INSL6: variants seen among roughly 807,000 people sequenced by gnomAD.
INSL6 encodes the protein insulin like 6, also known as insulin-like peptide INSL6.
In INSL6, 16 loss-of-function variants were observed where a neutral mutation model predicts 9.4. The observed-to-expected ratio is 1.70, with a 90% CI of 1.15 to 2.59. INSL6 has a LOEUF of 2.59. INSL6 is among the 30% of genes most tolerant of loss of function. INSL6 has a pLI of 0.00. For synonymous variants in INSL6, 154 were observed against 96.9 expected, an observed-to-expected ratio of 1.59 and a Z score of -3.46; for missense variants, 391 against 257.3, an observed-to-expected ratio of 1.52 and a Z score of -3.56.
the INSL6 span, among the ~76,000 whole-genome samples, chr9:5,115,207 C>A: frequency 3.9e-5 from 6 of 152,028 alleles, no homozygotes; most frequent in Non-Finnish European, 7.4e-5. Context: ...AGAACTTAAA[C>A]AAGTTCACAA....
At chr9:5,048,231 T>C in the INSL6 span, among the ~76,000 whole-genome samples, 2 of 152,038 alleles carry the variant, frequency 1.3e-5, no homozygotes, top group Non-Finnish European at 2.9e-5. Context: ...AACCTCTGCC[T>C]CCCAGGTTCA....
the INSL6 span, among the ~76,000 whole-genome samples, chr9:5,087,183 G>C: frequency 6.6e-6 from 1 of 152,214 alleles, no homozygotes; most frequent in Non-Finnish European, 1.5e-5. Flanking sequence ...ATAAAGGAAA[G>C]AGGTTTAATT....
At chr9:5,054,479 G>A in the INSL6 span, 3 of 1,150,638 alleles carry the variant, frequency 2.6e-6, no homozygotes, top group African/African-American at 1.6e-5. The surrounding 1 kb of genome is among the most constrained non-coding windows in gnomAD (Gnocchi z 4.9). Context: ...ATGGAAAAAG[G>A]TGGTAACTTC....
the INSL6 span, among the ~76,000 whole-genome samples, chr9:5,086,848 C>A: frequency 3.9e-5 from 6 of 152,140 alleles, no homozygotes; most frequent in Non-Finnish European, 8.8e-5. Context: ...TAGAGAGCTT[C>A]TCATAGAGCA....
At chr9:5,150,447 T>C (rs2130894380) in intron 2 of INSL6, among the ~76,000 whole-genome samples, 1 of 152,176 alleles carries the variant, frequency 6.6e-6, no homozygotes, top group East Asian at 1.9e-4. Context: ...ATGAACATTT[T>C]TAATGGTCAA....
chr9:5,165,427 C>T (rs115779421), intron 1 of INSL6, among the ~76,000 whole-genome samples: 1,760 of 152,204 alleles, frequency 0.012, 26 homozygotes, highest in African/African-American at 0.04. Context: ...TTCCCACATC[C>T]CCATCAAAAC....
chr9:5,033,155 G>C, the INSL6 span, among the ~76,000 whole-genome samples: 2 of 152,210 alleles, frequency 1.3e-5, no homozygotes, highest in Non-Finnish European at 2.9e-5. Context: ...AGAGATGGAA[G>C]ATGAAATGAA....
chr9:5,124,908 A>C (rs1823875124), intron 3 of INSL6, among the ~76,000 whole-genome samples: 2 of 151,600 alleles, frequency 1.3e-5, no homozygotes, highest in African/African-American at 4.8e-5. Flanking sequence ...CAAACAAAAT[A>C]ATCCCAAACC....
the INSL6 span, among the ~76,000 whole-genome samples, chr9:5,064,296 G>C: frequency 7.2e-5 from 11 of 152,134 alleles, no homozygotes; most frequent in Non-Finnish European, 1.3e-4. Context: ...TTGGGAGACT[G>C]AGGTGGGTGG....
chr9:5,153,895 G>C (rs144113484), intron 2 of INSL6, among the ~76,000 whole-genome samples: 1 of 152,124 alleles, frequency 6.6e-6, no homozygotes, highest in East Asian at 1.9e-4. Context: ...TGGCCATACT[G>C]CCCAAAGTAA....
chr9:5,009,808 T>A, the INSL6 span, among the ~76,000 whole-genome samples: 1 of 152,050 alleles, frequency 6.6e-6, no homozygotes, highest in Admixed American at 6.6e-5. Flanking sequence ...TCTTGCTCTG[T>A]TGCCCAGGCT....
At chr9:5,107,370 C>T in the INSL6 span, among the ~76,000 whole-genome samples, 1 of 152,098 alleles carries the variant, frequency 6.6e-6, no homozygotes, top group African/African-American at 2.4e-5. Context: ...CCAACTGCCT[C>T]CCCTTTTCCA....
the INSL6 span, chr9:5,090,685 T>G: frequency 6.1e-5 from 94 of 1,541,748 alleles, 1 homozygote; most frequent in African/African-American, 1.1e-3. Context: ...GTTAAGACCA[T>G]TTAAATTGTT....
At chr9:5,054,834 A>G in the INSL6 span, 1 of 1,612,168 alleles carries the variant, frequency 6.2e-7, no homozygotes, top group Admixed American at 1.7e-5. The surrounding 1 kb of genome is among the most constrained non-coding windows in gnomAD (Gnocchi z 4.9). Flanking sequence ...AAACGGTGGA[A>G]TTCAGTGGTC....
rs993782183 is a variant in INSL6, at chr9:5,141,190, G to C, written c.377-7598C>G. Reference sequence around the variant, plus strand: ...AACATATGCATGCGTCTTTATAATAGAATGATTTATATTTCTTTGTGTATA... The same window carrying C: ...AACATATGCATGCGTCTTTATAATACAATGATTTATATTTCTTTGTGTATA... On this transcript the variant is annotated intron_variant, in intron 2 of 3. Coordinates refer to the INSL6 transcript ENST00000649639. Among the ~76,000 whole-genome samples, 3 of 152,118 alleles carry C rather than the reference G, an allele frequency of 2.0e-5. 1 individual carries two copies. In the South Asian group the frequency reaches 6.2e-4, roughly 32 times the overall value.
chr9:5,073,858 C>T, the INSL6 span: 1 of 955,212 alleles, frequency 1.0e-6, no homozygotes, highest in South Asian at 1.4e-5. Context: ...AATTCAGTTT[C>T]AGGATCACAG....
At chr9:5,049,764 A>G in the INSL6 span, among the ~76,000 whole-genome samples, 1 of 152,202 alleles carries the variant, frequency 6.6e-6, no homozygotes, top group Non-Finnish European at 1.5e-5. Context: ...CATGTATTGT[A>G]CTTATACAAA....
chr9:5,147,953 G>T lies in INSL6; in HGVS notation c.377-14361C>A, dbSNP rs116253056. 2.8e-3 allele frequency among the ~76,000 whole-genome samples: 428 copies of T among 152,200 alleles called. 3 individuals carry two copies. The highest frequency in any genetic ancestry group is 9.7e-3 in the African/African-American group (403 of 41,518). ...TTTCAGCTCTTAAATTGTTTTACTG[G>T]ATGCCTTGGCTTCCTTGGATTTTCA... On this transcript the variant is annotated intron_variant, in intron 2 of 3. Transcript: ENST00000649639.
the INSL6 span, among the ~76,000 whole-genome samples, chr9:5,116,008 T>G: frequency 6.5e-3 from 983 of 152,200 alleles, 7 homozygotes; most frequent in African/African-American, 0.022. Flanking sequence ...TATACCTACG[T>G]TAACAAACCT....
Sources: gnomAD v4.1 joint callset for allele counts (sites outside exome capture counted in the v4.1 genomes callset) on GRCh38, gnomAD v4.1.1 for gene constraint, Gnocchi (gnomAD v3.1) non-coding constraint, MANE v1.5 for transcripts, NCBI Gene and HGNC (gene_info 2026-07-23, HGNC 2026-07-21) for gene names.